Variants in MCC observed in about 807,000 individuals in gnomAD.
The protein encoded by MCC is MCC regulator of Wnt signaling pathway.
In MCC, 90 loss-of-function variants were observed where a neutral mutation model predicts 116.2. The observed-to-expected ratio is 0.77, with a 90% confidence interval of 0.65 to 0.92. MCC has a LOEUF of 0.92. Ranked by LOEUF, MCC falls within the 40% of genes least tolerant of loss-of-function variation. The pLI is 0.00. For synonymous variants in MCC, 578 were observed against 510.5 expected (o/e 1.13, Z -1.78); for missense variants, 1,516 against 1,312.2 (o/e 1.16, Z -2.40).
chr5:113,192,690 C>T (rs997032746), intron 3 of MCC, among the ~76,000 whole-genome samples: 1 of 152,188 alleles, frequency 6.6e-6, no homozygotes, highest in Non-Finnish European at 1.5e-5. Context: ...AGAGATGATA[C>T]ATGCAAAGCA....
chr5:113,352,643 T>C (rs1768302483), intron 2 of MCC, among the ~76,000 whole-genome samples: 1 of 151,742 alleles, frequency 6.6e-6, no homozygotes, highest in South Asian at 2.1e-4. Context: ...TATTTCCTTT[T>C]TTTTCCCCCT....
intron 2 of MCC, among the ~76,000 whole-genome samples, chr5:113,368,807 G>T (rs1768766515): frequency 6.6e-6 from 1 of 152,124 alleles, no homozygotes; most frequent in Non-Finnish European, 1.5e-5. Flanking sequence ...GCTCCCACAG[G>T]CTGAGGGTTC....
chr5:113,381,753 AC>A (rs1769128772), intron 2 of MCC, among the ~76,000 whole-genome samples: 1 of 152,096 alleles, frequency 6.6e-6, no homozygotes, highest in Admixed American at 6.5e-5. Context: ...GCACCACTGC[AC>A]TCCAGCCTGG....
intron 3 of MCC, among the ~76,000 whole-genome samples, chr5:113,225,979 A>C (rs3846719): frequency 0.74 from 112,308 of 152,162 alleles, 41,775 homozygotes; most frequent in East Asian, 0.85. Flanking sequence ...TCCAGACCAG[A>C]CTGGCCAGCA....
At position 113,348,631 on chromosome 5, in the gene MCC, T is replaced by A. The variant is rs1462791926; in HGVS notation, c.416-7901A>T. Reference sequence around the variant, plus strand: ...AAAGTAGAAAAACAAATAAACAACCTAATGGTGCATCTAAAGAACTAGAAA... The same window carrying A: ...AAAGTAGAAAAACAAATAAACAACCAAATGGTGCATCTAAAGAACTAGAAA... On this transcript the variant is annotated intron_variant, in intron 2 of 18. Transcript: ENST00000408903. 2.6e-5 allele frequency among the ~76,000 whole-genome samples: 4 copies of A among 151,898 alleles called. No homozygotes were observed. The East Asian group carries it at 7.7e-4, about 29-fold the overall frequency.
intron 11 of MCC, among the ~76,000 whole-genome samples, chr5:113,072,330 C>T (rs1418227200): frequency 2.0e-5 from 3 of 152,174 alleles, no homozygotes; most frequent in Non-Finnish European, 4.4e-5. Flanking sequence ...CAGGCTCTGG[C>T]CATTCCAAGG....
chr5:113,331,122 G>C (rs780645553), intron 3 of MCC, among the ~76,000 whole-genome samples: 1 of 152,230 alleles, frequency 6.6e-6, no homozygotes, highest in African/African-American at 2.4e-5. Flanking sequence ...TAACCCCTTA[G>C]ATGCTGAACT....
At chr5:113,135,121 G>C (rs1280094999) in intron 5 of MCC, among the ~76,000 whole-genome samples, 1 of 151,142 alleles carries the variant, frequency 6.6e-6, no homozygotes, top group Non-Finnish European at 1.5e-5. Flanking sequence ...TGTATTTTTA[G>C]TGGAGACGGG....
chr5:113,268,175 C>T (rs929507764), intron 3 of MCC, among the ~76,000 whole-genome samples: 7 of 152,178 alleles, frequency 4.6e-5, no homozygotes, highest in African/African-American at 1.7e-4. Context: ...CCCAACAATC[C>T]TAAAGACGTC....
chr5:113,317,998 A>C (rs1232963103), intron 3 of MCC, among the ~76,000 whole-genome samples: 2 of 152,232 alleles, frequency 1.3e-5, no homozygotes, highest in African/African-American at 4.8e-5. Context: ...GAATCATATA[A>C]GAAGGAAAAA....
At chr5:113,317,094 T>C (rs1413230294) in intron 3 of MCC, among the ~76,000 whole-genome samples, 1 of 152,094 alleles carries the variant, frequency 6.6e-6, no homozygotes. Context: ...CGAAAAGAAA[T>C]AAAAGGTGAG....
At chr5:113,327,413 G>T (rs993100146) in intron 3 of MCC, among the ~76,000 whole-genome samples, 1 of 151,190 alleles carries the variant, frequency 6.6e-6, no homozygotes, top group Non-Finnish European at 1.5e-5. Flanking sequence ...GGGTGTGGTG[G>T]TGTGAGCCTG....
At chr5:113,234,534 C>T (rs930607015) in intron 3 of MCC, 4 of 152,132 alleles carry the variant, frequency 2.6e-5, no homozygotes, top group Non-Finnish European at 5.9e-5. Flanking sequence ...TTCAGCATGC[C>T]AGGGAAGCCC....
At position 113,434,310 on chromosome 5, in the gene MCC, C is replaced by T; in HGVS notation, c.171-49098G>A. The T allele has an allele frequency of 6.2e-7, 1 of 1,614,048 alleles. No individual in the cohort carries two copies. Among genetic ancestry groups the T allele is most frequent in the Non-Finnish European group, 8.5e-7 (1 of 1,179,956 alleles). On this transcript the variant is annotated intron_variant, in intron 1 of 18. Transcript: ENST00000408903. This position sits in a 1 kb window ranked among gnomAD's most constrained non-coding sequence, Gnocchi z 4.2. Reference sequence around the variant, plus strand: ...CTCTGGGGCCGCATACGCTGGTGACCCACAGAAGGTCTTGCTTAATGCCAT... The same window carrying T: ...CTCTGGGGCCGCATACGCTGGTGACTCACAGAAGGTCTTGCTTAATGCCAT...
At chr5:113,221,897 C>A (rs943519876) in intron 3 of MCC, among the ~76,000 whole-genome samples, 32 of 152,100 alleles carry the variant, frequency 2.1e-4, no homozygotes, top group African/African-American at 7.0e-4. Flanking sequence ...ACAGCTGACT[C>A]TGCATGAATT....
intron 4 of MCC, among the ~76,000 whole-genome samples, chr5:113,145,582 G>A (rs1462827457): frequency 2.0e-5 from 3 of 152,070 alleles, no homozygotes; most frequent in African/African-American, 7.2e-5. Context: ...ATAGAGAAAG[G>A]CACACCATCA....
Position 113,254,878 on chromosome 5 carries a change from T to G in MCC, c.627+85641A>C, listed in dbSNP as rs1764948745. ...CCTTCTCCCTTGCCTGCCTCTAAGA[T>G]GTACCTTAAAAACATAAGAGTGGGC... On this transcript the variant is annotated intron_variant, in intron 3 of 18. Transcript: ENST00000408903. Among the ~76,000 whole-genome samples the G allele has an allele frequency of 2.0e-5, 3 of 152,140 alleles. No individual in the cohort carries two copies. The South Asian group carries it at 6.2e-4, about 32-fold the overall frequency.
chr5:113,422,089 T>G (rs866244719), intron 1 of MCC, among the ~76,000 whole-genome samples: 40 of 152,348 alleles, frequency 2.6e-4, no homozygotes, highest in Middle Eastern at 3.4e-3. Flanking sequence ...CAGTCAGTGC[T>G]GTGTTGGTGA....
intron 3 of MCC, among the ~76,000 whole-genome samples, chr5:113,248,832 C>CTTTTTTTTTTTTTTTTT (rs1269527611): frequency 5.1e-5 from 7 of 138,208 alleles, no homozygotes; most frequent in Admixed American, 7.8e-5. Context: ...TCTCTCTCTT[C>CTTTTTTTTTTTTTTTTT]TTTTTTTTTT....
Sources: allele counts gnomAD v4.1 joint callset (sites outside exome capture counted in the v4.1 genomes callset), GRCh38; gene constraint gnomAD v4.1.1; non-coding constraint Gnocchi (gnomAD v3.1); transcripts MANE v1.5; gene names NCBI Gene and HGNC (gene_info 2026-07-23, HGNC 2026-07-21).